The following DCDC2 variants were observed in gnomAD, a reference collection of about 807,000 sequenced individuals.
DCDC2 encodes the protein doublecortin domain containing 2, also known as doublecortin domain-containing protein 2.
A neutral mutation model predicts 50.2 loss-of-function variants in DCDC2; 40 were observed. The observed-to-expected ratio is 0.80, with a 90% confidence interval of 0.62 to 1.04. The LOEUF is 1.04. DCDC2 is among the 50% of genes least tolerant of loss of function. DCDC2 has a pLI of 0.00. For missense variants in DCDC2, 570 were observed against 581.9 expected, an observed-to-expected ratio of 0.98 and a Z score of 0.21; for synonymous variants, 234 against 210.6, an observed-to-expected ratio of 1.11 and a Z score of -0.96.
At position 24,345,724 on chromosome 6, in the gene DCDC2, C is replaced by G. The variant is rs73382241; in HGVS notation, c.348+7845G>C. Among the ~76,000 whole-genome samples, 559 of 152,276 alleles carry G rather than the reference C, an allele frequency of 3.7e-3. 5 individuals are homozygous for G. Among genetic ancestry groups the G allele is most frequent in the African/African-American group, 0.013 (527 of 41,564 alleles). On this transcript the variant is annotated intron_variant, in intron 2 of 9. Transcript: ENST00000378454. ...ATCCCTTTGAATTAGGTGAGCTTGA[C>G]CTTCTGCTCTCTCTTCTTGCTTATA... is the stretch of plus-strand genomic sequence containing the variant.
At chr6:24,255,829 T>C (rs1032016810) in intron 7 of DCDC2, among the ~76,000 whole-genome samples, 7 of 152,168 alleles carry the variant, frequency 4.6e-5, no homozygotes, top group African/African-American at 7.2e-5. Context: ...TGAACTAGTA[T>C]GACCTCTTTG....
At chr6:24,337,432 A>T (rs890382415) in intron 2 of DCDC2, among the ~76,000 whole-genome samples, 3 of 152,146 alleles carry the variant, frequency 2.0e-5, no homozygotes, top group Admixed American at 1.3e-4. Context: ...AAAAAAAAAA[A>T]TGTCAATTGA....
rs770279005 is a variant in DCDC2, at chr6:24,178,586, T to A, written c.1070A>T (p.Asn357Ile). The A allele has an allele frequency of 1.2e-6, 2 of 1,614,008 alleles. No homozygotes were observed. The highest frequency in any genetic ancestry group is 3.3e-5 in the Admixed American group (2 of 60,020). The change falls in exon 9 of 10, where the codon AAC (asparagine) becomes ATC (isoleucine). Residue 357 changes from asparagine to isoleucine, a missense_variant. Physicochemically the swap from Asn to Ile is moderately radical, Grantham distance 149. Transcript: ENST00000378454. The stretch of plus-strand genomic sequence containing the variant: ...GTCTTCTTTCTGTTCTGCATCCTTG[T>A]TTGCCTTCTCTCCATCTTCTTCCTC... Reference protein sequence around the residue: ...VDEEEDGEKANKDAEQKEDFS... With the variant: ...VDEEEDGEKAIKDAEQKEDFS...
chr6:24,195,440 A>G (rs182296550), intron 8 of DCDC2, among the ~76,000 whole-genome samples: 146 of 152,324 alleles, frequency 9.6e-4, no homozygotes, highest in African/African-American at 3.4e-3. Flanking sequence ...TGTACAAATC[A>G]ATGGGATTAA....
chr6:24,200,017 A>G (rs927050340), intron 8 of DCDC2, among the ~76,000 whole-genome samples: 2 of 152,198 alleles, frequency 1.3e-5, no homozygotes, highest in African/African-American at 2.4e-5. Flanking sequence ...ATGTGAAAAG[A>G]CCAAACCTAC....
At chr6:24,271,479 TAGA>T (rs1258044447) in intron 7 of DCDC2, among the ~76,000 whole-genome samples, 3 of 152,046 alleles carry the variant, frequency 2.0e-5, no homozygotes, top group Non-Finnish European at 4.4e-5. Flanking sequence ...ATCACGCTAA[TAGA>T]AGAACCTCCG....
chr6:24,300,432 A>G (rs1350608097), intron 4 of DCDC2, among the ~76,000 whole-genome samples: 2 of 152,228 alleles, frequency 1.3e-5, no homozygotes, highest in Non-Finnish European at 2.9e-5. Flanking sequence ...CATGCATAGA[A>G]TATTTCCGGG....
intron 8 of DCDC2, among the ~76,000 whole-genome samples, chr6:24,179,814 C>T (rs548037319): frequency 2.0e-5 from 3 of 151,318 alleles, no homozygotes; most frequent in East Asian, 4.0e-4. Context: ...ATTAGCCAGG[C>T]GTGGTGGTGG....
chr6:24,274,280 T>C (rs1009709474), intron 7 of DCDC2, among the ~76,000 whole-genome samples: 2 of 152,154 alleles, frequency 1.3e-5, no homozygotes, highest in African/African-American at 2.4e-5. Flanking sequence ...CCAATTGATA[T>C]GATCAATCAT....
chr6:24,262,933 T>A (rs966401146), intron 7 of DCDC2, among the ~76,000 whole-genome samples: 2 of 152,236 alleles, frequency 1.3e-5, no homozygotes, highest in Admixed American at 1.3e-4. Flanking sequence ...AGTGTTGCCC[T>A]GGCTTTAGGT....
intron 2 of DCDC2, among the ~76,000 whole-genome samples, chr6:24,304,415 A>G (rs1759433833): frequency 6.6e-6 from 1 of 152,180 alleles, no homozygotes; most frequent in Non-Finnish European, 1.5e-5. Flanking sequence ...ACCGGGAGGC[A>G]GAGGTTGCAA....
At chr6:24,324,037 A>T (rs1759815678) in intron 2 of DCDC2, among the ~76,000 whole-genome samples, 1 of 152,200 alleles carries the variant, frequency 6.6e-6, no homozygotes, top group South Asian at 2.1e-4. Context: ...AGCTCAGAAC[A>T]GTGAGAAACA....
At chr6:24,195,244 T>C (rs1486437875) in intron 8 of DCDC2, among the ~76,000 whole-genome samples, 1 of 152,156 alleles carries the variant, frequency 6.6e-6, no homozygotes, top group Admixed American at 6.5e-5. Flanking sequence ...GCAATAGCAG[T>C]AGCCAAAATA....
intron 7 of DCDC2, among the ~76,000 whole-genome samples, chr6:24,239,578 C>T (rs754480248): frequency 1.2e-4 from 19 of 152,152 alleles, no homozygotes; most frequent in Admixed American, 3.3e-4. Flanking sequence ...CAGGAGTGGG[C>T]ACATGATATT....
At chr6:24,327,998 C>A (rs555934148) in intron 2 of DCDC2, among the ~76,000 whole-genome samples, 14 of 152,158 alleles carry the variant, frequency 9.2e-5, no homozygotes, top group Non-Finnish European at 1.6e-4. Context: ...ATGAGATTCA[C>A]GCTATTCCAT....
intron 2 of DCDC2, among the ~76,000 whole-genome samples, chr6:24,306,208 C>CT (rs1236216637): frequency 6.6e-6 from 1 of 152,106 alleles, no homozygotes; most frequent in Non-Finnish European, 1.5e-5. Flanking sequence ...AGCGTGTAAT[C>CT]TGTGACTACG....
intron 2 of DCDC2, among the ~76,000 whole-genome samples, chr6:24,329,284 A>G (rs1759927014): frequency 6.6e-6 from 1 of 152,194 alleles, no homozygotes; most frequent in African/African-American, 2.4e-5. Flanking sequence ...ATTAACCCTC[A>G]TTCCCTTTGC....
intron 7 of DCDC2, among the ~76,000 whole-genome samples, chr6:24,261,147 C>A (rs1361704047): frequency 6.6e-6 from 1 of 151,238 alleles, no homozygotes; most frequent in Non-Finnish European, 1.5e-5. Context: ...TTTTAGAATT[C>A]TCAGCTAACA....
chr6:24,218,784 G>A (rs1014551622), intron 7 of DCDC2, among the ~76,000 whole-genome samples: 11 of 151,988 alleles, frequency 7.2e-5, no homozygotes, highest in East Asian at 1.9e-4. Flanking sequence ...TACTGCATCC[G>A]GCCTATTTTA....
Sources: gnomAD v4.1 joint callset for allele counts (sites outside exome capture counted in the v4.1 genomes callset) on GRCh38, gnomAD v4.1.1 for gene constraint, MANE v1.5 for transcripts, NCBI Gene and HGNC (gene_info 2026-07-23, HGNC 2026-07-21) for gene names.